Variants in RFX8 observed in about 807,000 individuals in gnomAD.
The protein encoded by RFX8 is regulatory factor X8, also known as DNA-binding protein RFX8.
Under a neutral mutation model 54.6 loss-of-function variants are expected in RFX8, and 46 were observed. The observed-to-expected ratio is 0.84, with a 90% CI of 0.67 to 1.08. The LOEUF (loss-of-function observed/expected upper bound fraction) is 1.08. Ranked by LOEUF, RFX8 falls within the 50% of genes least tolerant of loss-of-function variation. The probability of loss-of-function intolerance (pLI) is 0.00; values close to 1 mark genes in which losing one functional copy is unlikely to be tolerated. For missense variants in RFX8, 536 were observed against 562.3 expected (o/e 0.95, Z 0.47); for synonymous variants, 192 against 209.5 (o/e 0.92, Z 0.72).
intron 4 of RFX8, chr2:101,421,523 T>C (rs1005746732): frequency 1.6e-6 from 2 of 1,279,918 alleles, no homozygotes; most frequent in African/African-American, 3.1e-5. Flanking sequence ...AATTTCCAAC[T>C]GATTACACTG....
intron 7 of RFX8, among the ~76,000 whole-genome samples, chr2:101,413,300 G>A (rs1025763685): frequency 2.0e-5 from 3 of 152,314 alleles, no homozygotes; most frequent in Admixed American, 6.5e-5. Flanking sequence ...GATGCGTTCA[G>A]GGCTGTCTGG....
chr2:101,446,063 G>A (rs1368558474), intron 2 of RFX8, among the ~76,000 whole-genome samples: 2 of 151,948 alleles, frequency 1.3e-5, no homozygotes, highest in South Asian at 2.1e-4. Context: ...ACTTTTGTAT[G>A]TTCTGAACGT....
chr2:101,450,748 T>C (rs1053616472), intron 2 of RFX8: 2 of 790,706 alleles, frequency 2.5e-6, no homozygotes, highest in African/African-American at 1.7e-5. Context: ...AGGCAGAGAA[T>C]AGGCGAACTA....
In RFX8 at chr2:101,417,640, A is replaced by G. The variant is rs749564969; in HGVS notation, c.396T>C (p.Ser132=). 5 of 1,550,840 alleles carry G rather than the reference A, an allele frequency of 3.2e-6. No homozygotes were observed. The Admixed American group carries it at 9.8e-5, about 31-fold the overall frequency. ...ACTGCACAGATTTCAGGTACTGAAT[A>G]GAAACATCTTCCAAGAAGTCATGAA... ...VLLHDFLEDV[S]IQYLKSVQLF... is the part of the protein sequence containing the mutation. The change falls in exon 6 of 12, where the codon TCT becomes TCC. Residue 132 remains serine (S), a synonymous_variant. Transcript: ENST00000428343.
intron 2 of RFX8, among the ~76,000 whole-genome samples, chr2:101,441,713 C>T (rs1415482526): frequency 6.6e-6 from 1 of 152,206 alleles, no homozygotes; most frequent in Non-Finnish European, 1.5e-5. Flanking sequence ...AACATAGCCA[C>T]TCCTGCTATC....
chr2:101,435,452 A>G (rs1687727039), intron 2 of RFX8, among the ~76,000 whole-genome samples: 1 of 152,176 alleles, frequency 6.6e-6, no homozygotes, highest in Non-Finnish European at 1.5e-5. Context: ...CAACAAATTT[A>G]TCCTTGAAAC....
intron 2 of RFX8, among the ~76,000 whole-genome samples, chr2:101,445,090 C>T (rs1688297242): frequency 6.6e-6 from 1 of 152,166 alleles, no homozygotes; most frequent in Non-Finnish European, 1.5e-5. Context: ...TCATTCATCT[C>T]AATGGGCTGT....
At chr2:101,422,893 G>A (rs564068011) in intron 2 of RFX8, among the ~76,000 whole-genome samples, 61 of 152,248 alleles carry the variant, frequency 4.0e-4, no homozygotes, top group African/African-American at 1.1e-3. Context: ...CATAACAACC[G>A]TTGGTTGTAT....
chr2:101,427,662 G>A (rs1334731660), intron 2 of RFX8, among the ~76,000 whole-genome samples: 2 of 152,122 alleles, frequency 1.3e-5, no homozygotes, highest in Non-Finnish European at 2.9e-5. Flanking sequence ...GCACTCTTCA[G>A]TGCAGCCCTC....
chr2:101,406,438 C>T lies in RFX8; in HGVS notation c.814-381G>A, dbSNP rs1475116313. Among the ~76,000 whole-genome samples, 4 of 146,986 alleles carry T rather than the reference C, an allele frequency of 2.7e-5. No homozygotes were observed. The East Asian group carries it at 6.1e-4, about 22-fold the overall frequency. ...CCTTGAACTCCTGGGCTTAAGCGAT[C>T]TTCCCATCTCAGCCTCCTGAGTAGC... On this transcript the variant is annotated intron_variant, in intron 9 of 11. Transcript: ENST00000428343.
intron 7 of RFX8, 56 bp from the exon 8 acceptor site, chr2:101,413,127 C>T (rs775339944): frequency 1.4e-6 from 2 of 1,448,490 alleles, no homozygotes; most frequent in Non-Finnish European, 1.9e-6. Context: ...TTATTTTTGC[C>T]TAACTCTCCC....
At position 101,447,681 on chromosome 2, in the gene RFX8, C is replaced by A. The variant is rs185643558; in HGVS notation, c.72+19096G>T. On this transcript the variant is annotated intron_variant, in intron 2 of 11. Transcript: ENST00000428343. Reference sequence around the variant, plus strand: ...TAATATATCATTAACTATAGTCACCCTACTGGGCTATCAAATACTAGAACT... The same window carrying A: ...TAATATATCATTAACTATAGTCACCATACTGGGCTATCAAATACTAGAACT... 8.5e-5 allele frequency among the ~76,000 whole-genome samples: 13 copies of A among 152,282 alleles called. No individual in the cohort carries two copies. The East Asian group carries it at 2.3e-3, about 27-fold the overall frequency.
Position 101,434,230 on chromosome 2 carries a change from C to CA in RFX8, c.73-11759dup, listed in dbSNP as rs370775778. 5.9e-3 allele frequency among the ~76,000 whole-genome samples: 893 copies of CA among 150,598 alleles called. 8 individuals carry two copies. The highest frequency in any genetic ancestry group is 0.021 in the African/African-American group (852 of 41,036). The stretch of plus-strand genomic sequence containing the variant: ...TTTTAAGATGGAATCACATGTGTGA[C>CA]AAAAAAAAATGTACACAAGAAGCAA... On this transcript the variant is annotated intron_variant, in intron 2 of 11. Coordinates refer to ENST00000428343, the MANE Select transcript of RFX8 (RefSeq NM_001145664.2).
chr2:101,412,824 CT>C (rs776717294), intron 8 of RFX8, 90 bp downstream of exon 8: 11 of 1,219,228 alleles, frequency 9.0e-6, no homozygotes, highest in African/African-American at 1.5e-5. Flanking sequence ...AGTTCTACCC[CT>C]ATTAAGAAAT....
chr2:101,428,961 C>T (rs987403973), intron 2 of RFX8: 1 of 1,524,898 alleles, frequency 6.6e-7, no homozygotes, highest in Non-Finnish European at 8.8e-7. Flanking sequence ...CTCACTGTTG[C>T]TTCTTGTTGG....
At chr2:101,466,951 G>A in intron 1 of RFX8, 51 bp from the exon 2 acceptor site, 1 of 800,408 alleles carries the variant, frequency 1.2e-6, no homozygotes, top group South Asian at 1.5e-5. Flanking sequence ...TTTTTCTAGA[G>A]CAAAATATTT....
intron 2 of RFX8, among the ~76,000 whole-genome samples, chr2:101,464,801 T>C (rs547934652): frequency 6.6e-6 from 1 of 152,258 alleles, no homozygotes; most frequent in South Asian, 2.1e-4. Flanking sequence ...AGAATTACCA[T>C]GAAGGTGAAA....
At chr2:101,416,329 T>C (rs908134) in intron 6 of RFX8, among the ~76,000 whole-genome samples, 16,773 of 152,146 alleles carry the variant, frequency 0.11, 1,559 homozygotes, top group African/African-American at 0.26. Context: ...CCCCACTCCT[T>C]GGACCGCTTT....
At chr2:101,471,178 A>G (rs936164867) in intron 1 of RFX8, among the ~76,000 whole-genome samples, 4 of 151,922 alleles carry the variant, frequency 2.6e-5, no homozygotes, top group Non-Finnish European at 4.4e-5. Context: ...TACGAAAAAT[A>G]CAAAAATTAG....
Sources: allele counts gnomAD v4.1 joint callset (sites outside exome capture counted in the v4.1 genomes callset), GRCh38; gene constraint gnomAD v4.1.1; transcripts MANE v1.5; gene names NCBI Gene and HGNC (gene_info 2026-07-23, HGNC 2026-07-21).